The following FASN variants were observed in gnomAD, a reference collection of about 807,000 sequenced individuals.
FASN encodes 3-hydroxyacyl-[acyl-carrier-protein] dehydratase.
In FASN, 50 loss-of-function variants were observed where a neutral mutation model predicts 250.0. That is an observed-to-expected ratio of 0.20 (90% confidence interval 0.16 to 0.25). The LOEUF (loss-of-function observed/expected upper bound fraction) is 0.25, where lower values mean the gene tolerates loss of function less well. FASN is among the 10% of genes least tolerant of loss of function. FASN has a pLI of 1.00. For missense variants in FASN, 3,031 were observed against 3,498.5 expected (o/e 0.87, Z 3.37); for synonymous variants, 1,909 against 1,584.0 (o/e 1.21, Z -4.87).
intron 15 of FASN, 66 bp from the exon 16 acceptor site, chr17:82,088,628 A>C: frequency 6.4e-7 from 1 of 1,554,976 alleles, no homozygotes; most frequent in Non-Finnish European, 8.8e-7. Flanking sequence ...GGTTCAGCCC[A>C]CCCACTGCCT....
rs1019669290 is a variant in FASN at position 82,078,934 on chromosome 17, C to T, written c.*209G>A. ...CTTCACAGACCAGGAGTCTCCAAGTCGGCAGCTCTGGTGTCCCCGAGGTGC... is the reference window on the plus strand; with the variant it reads ...CTTCACAGACCAGGAGTCTCCAAGTTGGCAGCTCTGGTGTCCCCGAGGTGC... On this transcript the variant is annotated 3_prime_UTR_variant, in exon 43 of 43. Coordinates refer to ENST00000306749, the MANE Select transcript of FASN (RefSeq NM_004104.5). The surrounding 1 kb of genome is among the most constrained non-coding windows in gnomAD (Gnocchi z 5.4). 2.5e-5 allele frequency: 16 copies of T among 645,116 alleles called. No homozygotes were observed. Among genetic ancestry groups the T allele is most frequent in the African/African-American group, 3.6e-5 (2 of 55,020 alleles). 40.0% of individuals were successfully genotyped at this position (645,116 alleles called of 1,614,324 possible). A position where few individuals can be genotyped will look rare whatever the true frequency, so the allele number is the denominator to read the frequency against.
In FASN at chr17:82,079,628, G is replaced by A; in HGVS notation, c.7147-20C>T. ...CAGCACCTGTGGGGTCGGGCTCTGA[G>A]CAGGTGCTGGCAGCACCCACAGCAC... On this transcript the variant is annotated intron_variant, in intron 41 of 42. Transcript: ENST00000306749. 2 of 1,597,620 alleles carry A rather than the reference G, an allele frequency of 1.3e-6. No individual in the cohort carries two copies. Among genetic ancestry groups the A allele is most frequent in the South Asian group, 2.2e-5 (2 of 91,006 alleles).
intron 34 of FASN, 45 bp downstream of exon 34, chr17:82,082,482 T>C: frequency 1.2e-6 from 2 of 1,611,100 alleles, no homozygotes; most frequent in Non-Finnish European, 8.5e-7. Context: ...GGTCCCCCCC[T>C]TGGTCTTGGG....
rs929258693 is a variant in FASN, at chr17:82,080,258, G to A, written c.7048-20C>T. On this transcript the variant is annotated intron_variant, in intron 40 of 42. Coordinates refer to ENST00000306749, the MANE Select transcript of FASN (RefSeq NM_004104.5). ...GTAGCTCTGAGAGGAAGGAGGGACT[G>A]CTGAGCAGATGGAAGGGGCGGGGCC... 5.6e-6 allele frequency: 9 copies of A among 1,612,576 alleles called. No homozygotes were observed. The highest frequency in any genetic ancestry group is 1.3e-5 in the African/African-American group (1 of 74,942).
At chr17:82,082,267 C>G (rs773786783) in intron 35 of FASN, 56 bp downstream of exon 35, 83 of 1,607,086 alleles carry the variant, frequency 5.2e-5, no homozygotes, top group Non-Finnish European at 7.0e-5. Flanking sequence ...CCTTGGCTCC[C>G]ACGGCCCTGA....
rs757267210 is a variant in FASN at position 82,085,005 on chromosome 17, A to AGG, written c.4409+28_4409+29dup. The AGG allele has an allele frequency of 4.4e-6, 7 of 1,590,768 alleles. No individual in the cohort carries two copies. The South Asian group carries it at 7.9e-5, about 18-fold the overall frequency. Reference sequence around the variant, plus strand: ...CTGGGGATGGGGAGGCTGGTGGGGAAGGGGAAGTGGTGAGGGGCCGTGCTC... The same window carrying AGG: ...CTGGGGATGGGGAGGCTGGTGGGGAAGGGGGGAAGTGGTGAGGGGCCGTGCTC... On this transcript the variant is annotated intron_variant, in intron 25 of 42. Transcript: ENST00000306749.
chr17:82,092,857 C>A, intron 6 of FASN, 40 bp downstream of exon 6: 1 of 1,587,866 alleles, frequency 6.3e-7, no homozygotes, highest in East Asian at 2.3e-5. Context: ...CCCCGGCTCC[C>A]ACCTGCCCCC....
At position 82,082,581 on chromosome 17, in the gene FASN, G is replaced by A. The variant is rs769235010; in HGVS notation, c.5865C>T (p.Leu1955=). The change falls in exon 34 of 43, where the codon CTC becomes CTT. Residue 1955 remains leucine (L), a synonymous_variant. Coordinates refer to ENST00000306749, the MANE Select transcript of FASN (RefSeq NM_004104.5). ...NISSLEGARG[L]IAEAAQLGPV... is the part of the protein sequence containing the mutation. ...GCCCAAGCTGCGCCGCCTCGGCAAT[G>A]AGGCCCCGGGCCCCCTCCAGTGAGC... The A allele has an allele frequency of 1.2e-6, 2 of 1,609,878 alleles. No individual in the cohort carries two copies. The highest frequency in any genetic ancestry group is 4.5e-5 in the East Asian group (2 of 44,880).
chr17:82,090,523 T>C lies in FASN; in HGVS notation c.1722A>G (p.Pro574=), dbSNP rs2034185823. 2.5e-6 allele frequency: 4 copies of C among 1,611,966 alleles called. No homozygotes were observed. The East Asian group carries it at 8.9e-5, about 36-fold the overall frequency. Residue 574 remains proline, a synonymous_variant, in exon 11 of 43, where the codon CCA becomes CCG. Coordinates refer to ENST00000306749, the MANE Select transcript of FASN (RefSeq NM_004104.5). ...CCAGGGAGTGGCCGACGATGCCATC[T>C]GGCCTCAGCCCCATGCAGCTCAGCA... is the stretch of plus-strand genomic sequence containing the variant. ...IDLLSCMGLR[P]DGIVGHSLGE...
Position 82,093,648 on chromosome 17 carries a change from CAGCCCACCATGCTGT to C in FASN, c.389_403del (p.Tyr130_Gly134del). 1 of 1,612,828 alleles carries C rather than the reference CAGCCCACCATGCTGT, an allele frequency of 6.2e-7. No individual in the cohort carries two copies. The highest frequency in any genetic ancestry group is 8.5e-7 in the Non-Finnish European group (1 of 1,179,996). ...CCGGTTGGCCATCATCGCTCGCTGG[CAGCCCACCATGCTGT>C]AGCCCACGAGTGTCTCGGGGTCTCG... On this transcript the variant is annotated inframe_deletion, in exon 4 of 43. Transcript: ENST00000306749.
chr17:82,084,199 C>G, intron 28 of FASN, 35 bp downstream of exon 28: 1 of 1,609,578 alleles, frequency 6.2e-7, no homozygotes, highest in Non-Finnish European at 8.5e-7. Context: ...CCGCCATCCA[C>G]GTGGGGCCCA....
chr17:82,079,790 C>T (rs980788967), intron 41 of FASN, 182 bp from the exon 42 acceptor site: 4 of 809,858 alleles, frequency 4.9e-6, no homozygotes, highest in South Asian at 3.7e-5. Context: ...GATTCTCCTC[C>T]CTCCGCAACC....
chr17:82,084,715 G>C lies in FASN; in HGVS notation c.4566C>G (p.Asp1522Glu). 1 of 1,559,698 alleles carries C rather than the reference G, an allele frequency of 6.4e-7. No homozygotes were observed. The highest frequency in any genetic ancestry group is 8.7e-7 in the Non-Finnish European group (1 of 1,152,120). ...CATGTGCCGTCGGCTCCTCAGGCTT[G>C]TCTAGGGAAACAGGGAGGTGGGGCT... ...GAFRHFLLEE[D>E]KPEEPTAHAF... is the part of the protein sequence containing the mutation. The change falls in exon 27 of 43, where the codon GAC becomes GAG. Residue 1522 changes from aspartate to glutamate, a missense_variant and splice_region_variant. Physicochemically the swap from Asp to Glu is conservative, Grantham distance 45. Transcript: ENST00000306749.
Position 82,090,579 on chromosome 17 carries a change from G to T in FASN, c.1681-15C>A. The stretch of plus-strand genomic sequence containing the variant: ...ATGAGGCCTATCTGGGGTGGGAACA[G>T]GACACTCAGGTTGCAACCTCCAGCA... On this transcript the variant is annotated splice_polypyrimidine_tract_variant and intron_variant, in intron 10 of 42. Coordinates refer to ENST00000306749, the MANE Select transcript of FASN (RefSeq NM_004104.5). 1 of 1,607,496 alleles carries T rather than the reference G, an allele frequency of 6.2e-7. No homozygotes were observed. The highest frequency in any genetic ancestry group is 8.5e-7 in the Non-Finnish European group (1 of 1,177,060).
rs769687782 is a variant in FASN at position 82,095,343 on chromosome 17, G to A, written c.257C>T (p.Thr86Ile). 7 of 1,612,838 alleles carry A rather than the reference G, an allele frequency of 4.3e-6. No homozygotes were observed. Reference protein sequence around the residue: ...DPQLRLLLEVTYEAIVDGGIN... With the variant: ...DPQLRLLLEVIYEAIVDGGIN... ...ACCTCCGTCCACGATGGCTTCATAG[G>A]TGACTTCCAGCAGCAGCCGCAGCTG... is the stretch of plus-strand genomic sequence containing the variant. The change falls in exon 3 of 43, where the codon ACC becomes ATC. Residue 86 changes from threonine to isoleucine, a missense_variant. Transcript: ENST00000306749.
intron 3 of FASN, 30 bp from the exon 4 acceptor site, chr17:82,093,801 G>A (rs760718930): frequency 3.1e-6 from 5 of 1,609,926 alleles, no homozygotes; most frequent in Non-Finnish European, 4.2e-6. Context: ...AGGTGCCACG[G>A]CCGGGCCCCA....
chr17:82,086,872 A>AGGCTGGG (rs995893572), intron 21 of FASN, among the ~76,000 whole-genome samples, 178 bp downstream of exon 21: 3 of 138,370 alleles, frequency 2.2e-5, no homozygotes, highest in South Asian at 2.7e-4. Context: ...GGGACGAGGA[A>AGGCTGGG]GGCTGGGGGC....
chr17:82,092,430 G>A, intron 8 of FASN, 25 bp downstream of exon 8: 3 of 1,555,234 alleles, frequency 1.9e-6, no homozygotes, highest in South Asian at 2.3e-5. Context: ...GAGCCTGAGG[G>A]ACCCCCAAGC....
In FASN at chr17:82,091,597, G is replaced by T. The variant is rs144185113; in HGVS notation, c.1117C>A (p.Arg373=). 9.5e-5 allele frequency: 151 copies of T among 1,590,348 alleles called. No individual in the cohort carries two copies. The highest frequency in any genetic ancestry group is 1.2e-4 in the Non-Finnish European group (140 of 1,170,230). Residue 373 remains arginine (R), a synonymous_variant, in exon 9 of 43, where the codon CGG becomes AGG. Coordinates refer to ENST00000306749, the MANE Select transcript of FASN (RefSeq NM_004104.5). ...AGGGGCTGGTCCACCACCTGCAGCC[G>T]CCCATCCAACAGCGCTGGGATCTCA... The part of the protein sequence containing the change: ...NPEIPALLDG[R]LQVVDQPLPV...
Sources: allele counts gnomAD v4.1 joint callset (sites outside exome capture counted in the v4.1 genomes callset), GRCh38; gene constraint gnomAD v4.1.1; non-coding constraint Gnocchi (gnomAD v3.1); transcripts MANE v1.5; gene names NCBI Gene and HGNC (gene_info 2026-07-23, HGNC 2026-07-21).